Variants in IRAG1 observed in about 807,000 individuals in gnomAD.
The protein encoded by IRAG1 is IP3R-associated cGMP kinase substrate.
A neutral mutation model predicts 106.2 loss-of-function variants in IRAG1; 62 were observed. The ratio of observed to expected loss-of-function variants is 0.58; its 90% CI spans 0.48 to 0.72. IRAG1 has a LOEUF of 0.72. Among genes scored for constraint, IRAG1 ranks in the 30% least tolerant of loss-of-function variants. The probability of loss-of-function intolerance (pLI) is 0.00; values close to 1 mark genes in which losing one functional copy is unlikely to be tolerated. For missense variants in IRAG1, 1,064 were observed against 1,140.7 expected (o/e 0.93, Z 0.97); for synonymous variants, 462 against 443.9 (o/e 1.04, Z -0.51).
At chr11:10,593,718 G>A in intron 16 of IRAG1, 119 bp from the exon 17 acceptor site, 2 of 796,776 alleles carry the variant, frequency 2.5e-6, no homozygotes, top group South Asian at 3.6e-5. Flanking sequence ...TGGATATTTT[G>A]GTTTTGCAGT....
intron 1 of IRAG1, among the ~76,000 whole-genome samples, chr11:10,653,694 C>T (rs1322572283): frequency 6.6e-6 from 1 of 152,104 alleles, no homozygotes; most frequent in Non-Finnish European, 1.5e-5. Flanking sequence ...GAATGCCTCC[C>T]AAGCAGGATG....
chr11:10,660,006 G>A (rs1859267567), intron 1 of IRAG1, among the ~76,000 whole-genome samples: 1 of 152,212 alleles, frequency 6.6e-6, no homozygotes, highest in African/African-American at 2.4e-5. Flanking sequence ...TCTCCAGGAA[G>A]ACATGGAGGA....
chr11:10,589,483 G>A (rs11042888), intron 18 of IRAG1, among the ~76,000 whole-genome samples: 5,337 of 151,884 alleles, frequency 0.035, 98 homozygotes, highest in African/African-American at 0.054. Flanking sequence ...TTGGCCAGGC[G>A]GTCTTGAACT....
In IRAG1 at chr11:10,582,077, G is replaced by C. The variant is rs948643534; in HGVS notation, c.2241-91C>G. ...TGTTTTTGGCCCGATTCCTGATTAG[G>C]AGTGAGGAAACTCAGGCTTTTTCAG... On this transcript the variant is annotated intron_variant, in intron 18 of 20. Coordinates refer to ENST00000423302, the MANE Select transcript of IRAG1 (RefSeq NM_130385.4). The C allele has an allele frequency of 8.3e-6, 12 of 1,448,820 alleles. No individual in the cohort carries two copies. In the African/African-American group the frequency reaches 1.7e-4, roughly 21 times the overall value. The allele number at this position is 1,448,820 out of a possible 1,614,324, so 89.7% of individuals were successfully genotyped here. A position where few individuals can be genotyped will look rare whatever the true frequency, so the allele number is the denominator to read the frequency against.
At chr11:10,684,625 T>C (rs1416683748) in intron 1 of IRAG1, among the ~76,000 whole-genome samples, 3 of 147,550 alleles carry the variant, frequency 2.0e-5, no homozygotes, top group Non-Finnish European at 3.0e-5. Flanking sequence ...ATAATAATAA[T>C]AATAATAATA....
At chr11:10,584,548 AATATATAT>A (rs56768282) in intron 18 of IRAG1, among the ~76,000 whole-genome samples, 2,319 of 98,544 alleles carry the variant, frequency 0.024, 83 homozygotes, top group African/African-American at 0.07. Flanking sequence ...TCTTTCATGA[AATATATAT>A]ATATATATAT....
At chr11:10,579,718 T>C (rs1323600492) in intron 20 of IRAG1, among the ~76,000 whole-genome samples, 3 of 152,140 alleles carry the variant, frequency 2.0e-5, no homozygotes, top group Non-Finnish European at 2.9e-5. Flanking sequence ...CCTATAATAC[T>C]TCATTGCATG....
intron 1 of IRAG1, among the ~76,000 whole-genome samples, chr11:10,691,489 C>G (rs963191775): frequency 9.2e-5 from 14 of 152,198 alleles, no homozygotes; most frequent in African/African-American, 3.1e-4. Context: ...CACAGACCCA[C>G]AGAACTCCTC....
intron 4 of IRAG1, among the ~76,000 whole-genome samples, chr11:10,630,529 G>A (rs1856613815): frequency 1.3e-5 from 2 of 152,118 alleles, no homozygotes; most frequent in East Asian, 1.9e-4. Flanking sequence ...GGACAATTAT[G>A]TCTTCTACCT....
chr11:10,687,523 A>T, intron 1 of IRAG1: 1 of 496,446 alleles, frequency 2.0e-6, no homozygotes, highest in Non-Finnish European at 2.9e-6. Context: ...TGATCCAAAC[A>T]CTTTCCAACA....
At chr11:10,582,322 C>T (rs1314426785) in intron 18 of IRAG1, among the ~76,000 whole-genome samples, 1 of 152,128 alleles carries the variant, frequency 6.6e-6, no homozygotes, top group Non-Finnish European at 1.5e-5. Context: ...AAGGTCATTC[C>T]ATTCCTGTTG....
chr11:10,586,020 T>G (rs1341204587), intron 18 of IRAG1: 1 of 152,162 alleles, frequency 6.6e-6, no homozygotes, highest in African/African-American at 2.4e-5. Context: ...TGCCTTTCTT[T>G]CAACAGAAGT....
intron 10 of IRAG1, among the ~76,000 whole-genome samples, chr11:10,612,097 A>G (rs1459972094): frequency 6.6e-6 from 1 of 152,186 alleles, no homozygotes; most frequent in Non-Finnish European, 1.5e-5. Context: ...AGACACATGG[A>G]AAGCCCCAAC....
chr11:10,629,409 G>T, intron 5 of IRAG1, 129 bp downstream of exon 5: 2 of 939,324 alleles, frequency 2.1e-6, no homozygotes, highest in Non-Finnish European at 3.1e-6. Flanking sequence ...CCTGACCTCT[G>T]CTGAGGAGAG....
chr11:10,690,793 C>G (rs758801086), intron 1 of IRAG1, among the ~76,000 whole-genome samples: 1 of 152,186 alleles, frequency 6.6e-6, no homozygotes. Context: ...AATTAAATAA[C>G]AGATCTAGCA....
intron 10 of IRAG1, among the ~76,000 whole-genome samples, chr11:10,621,620 A>G (rs1855841882): frequency 6.6e-6 from 1 of 152,230 alleles, no homozygotes; most frequent in African/African-American, 2.4e-5. Context: ...GAGATGGCCA[A>G]ACCATGAGAT....
chr11:10,591,553 C>T lies in IRAG1; in HGVS notation c.2235G>A (p.Leu745=), dbSNP rs1852674426. 1 of 1,593,374 alleles carries T rather than the reference C, an allele frequency of 6.3e-7. No homozygotes were observed. The highest frequency in any genetic ancestry group is 8.5e-7 in the Non-Finnish European group (1 of 1,169,926). ...AGGAAAATCGACAAACTTACTTTTC[C>T]AAAAGTGCAGGCAGTGCTGAAGTGA... is the stretch of plus-strand genomic sequence containing the variant. ...LPVTSALPAL[L]ENGKTNGDPD... The change falls in exon 18 of 21, where the codon TTG becomes TTA. Residue 745 remains leucine (L), a synonymous_variant. Transcript: ENST00000423302.
chr11:10,597,498 TTTTA>T (rs1224617988), intron 15 of IRAG1, among the ~76,000 whole-genome samples: 1 of 151,914 alleles, frequency 6.6e-6, no homozygotes, highest in Non-Finnish European at 1.5e-5. Context: ...ACTAATTGCT[TTTTA>T]TTTTTATTTT....
intron 1 of IRAG1, among the ~76,000 whole-genome samples, chr11:10,679,005 G>A (rs889736117): frequency 1.3e-5 from 2 of 152,044 alleles, no homozygotes; most frequent in East Asian, 3.9e-4. Context: ...CCTTTCTCAG[G>A]AAGAAACTAT....
Sources: allele counts gnomAD v4.1 joint callset (sites outside exome capture counted in the v4.1 genomes callset), GRCh38; gene constraint gnomAD v4.1.1; transcripts MANE v1.5; gene names NCBI Gene and HGNC (gene_info 2026-07-23, HGNC 2026-07-21).